Variants in UBR1 observed in about 807,000 individuals in gnomAD.
UBR1 encodes the protein E3 ubiquitin-protein ligase UBR1.
A neutral mutation model predicts 242.1 loss-of-function variants in UBR1; 102 were observed. The observed-to-expected ratio is 0.42, with a 90% CI of 0.36 to 0.50. The LOEUF (loss-of-function observed/expected upper bound fraction) is 0.50. UBR1 is among the 20% of genes least tolerant of loss of function. UBR1 has a pLI of 0.01. For missense variants in UBR1, 1,772 were observed against 2,101.8 expected, an observed-to-expected ratio of 0.84 and a Z score of 3.07; for synonymous variants, 675 against 684.8, an observed-to-expected ratio of 0.99 and a Z score of 0.22.
rs1319713497 is a variant in UBR1 at position 42,943,019 on chromosome 15, A to G, written c.*2310T>C. The G allele has an allele frequency of 6.6e-6, 1 of 152,658 alleles. No individual in the cohort carries two copies. The highest frequency in any genetic ancestry group is 1.5e-5 in the Non-Finnish European group (1 of 68,038). The allele number at this position is 152,658 out of a possible 1,614,324, so 9.5% of individuals were successfully genotyped here. On this transcript the variant is annotated 3_prime_UTR_variant, in exon 47 of 47. Coordinates refer to ENST00000290650, the MANE Select transcript of UBR1 (RefSeq NM_174916.3). ...TATGCATTATTTGTATAACTTCATC[A>G]TGGATGGAATTTGAATCAGTGGTAT...
intron 29 of UBR1, among the ~76,000 whole-genome samples, chr15:43,014,856 C>T (rs1223129186): frequency 2.6e-5 from 4 of 151,352 alleles, no homozygotes; most frequent in Admixed American, 6.6e-5. Flanking sequence ...CCCGCCCGGC[C>T]AGCCGCCCCG....
chr15:42,979,201 C>CT (rs1224439172), intron 37 of UBR1, among the ~76,000 whole-genome samples: 1 of 147,322 alleles, frequency 6.8e-6, no homozygotes, highest in South Asian at 2.1e-4. Flanking sequence ...CCAATTTTTT[C>CT]TTTTTTTCTT....
intron 27 of UBR1, among the ~76,000 whole-genome samples, chr15:43,020,589 A>G (rs1365085513): frequency 6.6e-6 from 1 of 152,252 alleles, no homozygotes; most frequent in Non-Finnish European, 1.5e-5. Context: ...ACAAATATAG[A>G]TTAGGTCACT....
At chr15:43,058,254 T>A in intron 10 of UBR1, 87 bp downstream of exon 10, 1 of 966,744 alleles carries the variant, frequency 1.0e-6, no homozygotes, top group South Asian at 1.5e-5. Context: ...CATTTAATTT[T>A]TGATTCATAA....
At chr15:43,027,576 C>T (rs2033193991) in intron 22 of UBR1, among the ~76,000 whole-genome samples, 200 bp downstream of exon 22, 1 of 152,090 alleles carries the variant, frequency 6.6e-6, no homozygotes, top group Non-Finnish European at 1.5e-5. Context: ...TTCTCATTCA[C>T]TTGCCAAAAA....
At chr15:43,036,922 CTTTT>C (rs199620473) in intron 17 of UBR1, among the ~76,000 whole-genome samples, 1 of 141,210 alleles carries the variant, frequency 7.1e-6, no homozygotes, top group African/African-American at 2.6e-5. Context: ...CCATTTTTTT[CTTTT>C]TTTTTTTTTA....
chr15:43,008,636 G>A (rs1036283209), intron 29 of UBR1, among the ~76,000 whole-genome samples: 1 of 152,236 alleles, frequency 6.6e-6, no homozygotes, highest in Non-Finnish European at 1.5e-5. Context: ...GAAGCCTGGG[G>A]ACCGGTATGT....
chr15:42,949,456 T>A (rs572150413), intron 46 of UBR1, among the ~76,000 whole-genome samples: 32 of 140,680 alleles, frequency 2.3e-4, no homozygotes, highest in African/African-American at 7.7e-4. Flanking sequence ...AAAAAAAAAA[T>A]TATGTGCTAA....
chr15:43,074,217 T>C (rs1438435753), intron 4 of UBR1, among the ~76,000 whole-genome samples: 1 of 152,196 alleles, frequency 6.6e-6, no homozygotes, highest in Non-Finnish European at 1.5e-5. Flanking sequence ...GATTCTATGG[T>C]TATTTTCCTA....
chr15:42,981,397 C>G (rs1432959702), intron 37 of UBR1, among the ~76,000 whole-genome samples: 5 of 152,184 alleles, frequency 3.3e-5, no homozygotes, highest in Non-Finnish European at 7.3e-5. Flanking sequence ...CTCAATTTAT[C>G]TATTATGTGT....
In UBR1 at chr15:43,007,126, G is replaced by A. The variant is rs1032341842; in HGVS notation, c.3368C>T (p.Ser1123Phe). The change falls in exon 30 of 47, where the codon TCT (serine) becomes TTT (phenylalanine). Residue 1123 changes from serine (S) to phenylalanine (F), a missense_variant. Transcript: ENST00000290650. ...AMVLSACVQK[S>F]TALTQHRGKP... ...TCCCCTGTGCTGGGTTAAGGCAGTA[G>A]ATTTCTGGACACAGGCCGATAATAC... 1.2e-6 allele frequency: 2 copies of A among 1,614,118 alleles called. No individual in the cohort carries two copies. The highest frequency in any genetic ancestry group is 1.7e-6 in the Non-Finnish European group (2 of 1,180,022).
chr15:43,010,704 G>C (rs1197027930), intron 29 of UBR1, among the ~76,000 whole-genome samples: 1 of 151,448 alleles, frequency 6.6e-6, no homozygotes. Flanking sequence ...GGGCACACTA[G>C]CTCACGCCTT....
intron 19 of UBR1, 67 bp downstream of exon 19, chr15:43,036,111 A>C (rs2033331864): frequency 7.3e-7 from 1 of 1,360,678 alleles, no homozygotes; most frequent in African/African-American, 1.4e-5. Flanking sequence ...TGACTGAAAT[A>C]AAATATGACT....
intron 40 of UBR1, among the ~76,000 whole-genome samples, chr15:42,966,570 C>A (rs190806431): frequency 6.6e-6 from 1 of 151,468 alleles, no homozygotes; most frequent in Non-Finnish European, 1.5e-5. Context: ...CCCAGCTACT[C>A]GGGAGGCTGA....
intron 18 of UBR1, 65 bp downstream of exon 18, chr15:43,036,463 C>T (rs991407171): frequency 1.6e-5 from 22 of 1,333,798 alleles, no homozygotes; most frequent in African/African-American, 2.9e-5. Flanking sequence ...ATTATCTTCT[C>T]TCCTTAGAAA....
At chr15:42,971,613 ATACTGC>A (rs1353662958) in intron 39 of UBR1, among the ~76,000 whole-genome samples, 16 of 152,210 alleles carry the variant, frequency 1.1e-4, no homozygotes, top group African/African-American at 3.9e-4. Flanking sequence ...TCTTGAATGA[ATACTGC>A]TAGTCCTTTT....
intron 45 of UBR1, 101 bp from the exon 46 acceptor site, chr15:42,950,464 T>A: frequency 2.1e-6 from 2 of 933,314 alleles, no homozygotes; most frequent in Non-Finnish European, 3.5e-6. Flanking sequence ...CCAATATCTG[T>A]TAGATATTCA....
intron 3 of UBR1, among the ~76,000 whole-genome samples, chr15:43,079,794 A>T (rs2033955184): frequency 6.6e-6 from 1 of 152,000 alleles, no homozygotes; most frequent in African/African-American, 2.4e-5. Flanking sequence ...AAATAAATAA[A>T]TAAATAAATA....
Position 42,985,067 on chromosome 15 carries a change from A to G in UBR1, c.3998-125T>C, listed in dbSNP as rs563503122. The G allele has an allele frequency of 3.6e-6, 3 of 832,256 alleles. No individual in the cohort carries two copies. The East Asian group carries it at 8.9e-5, about 25-fold the overall frequency. The allele number at this position is 832,256 out of a possible 1,614,324, so 51.6% of individuals were successfully genotyped here. ...GATGATTTGCATTTTTCCCCTTCAAAGTCTTGTGTTTTAAGTCTATGCCAA... is the reference window on the plus strand; with the variant it reads ...GATGATTTGCATTTTTCCCCTTCAAGGTCTTGTGTTTTAAGTCTATGCCAA... On this transcript the variant is annotated intron_variant, in intron 35 of 46. Transcript: ENST00000290650.
Sources: allele counts gnomAD v4.1 joint callset (sites outside exome capture counted in the v4.1 genomes callset), GRCh38; gene constraint gnomAD v4.1.1; transcripts MANE v1.5; gene names NCBI Gene and HGNC (gene_info 2026-07-23, HGNC 2026-07-21).